Variants in UNKL observed in about 807,000 individuals in gnomAD.
UNKL encodes the protein unk like zinc finger.
Under a neutral mutation model 78.0 loss-of-function variants are expected in UNKL, and 60 were observed. The observed-to-expected ratio is 0.77, with a 90% CI of 0.63 to 0.95. The LOEUF (loss-of-function observed/expected upper bound fraction) is 0.95, where lower values mean the gene tolerates loss of function less well. Among genes scored for constraint, UNKL ranks in the 40% least tolerant of loss-of-function variants. UNKL has a pLI of 0.00. For synonymous variants in UNKL, 608 were observed against 474.8 expected (o/e 1.28, Z -3.65); for missense variants, 1,159 against 1,045.7 (o/e 1.11, Z -1.49).
At chr16:1,401,438 C>T (rs923238531) in intron 4 of UNKL, 130 bp downstream of exon 4, 39 of 1,234,992 alleles carry the variant, frequency 3.2e-5, no homozygotes, top group South Asian at 9.1e-5. Context: ...TTGGACTCCA[C>T]GAGCCTCGGT....
chr16:1,407,485 G>C (rs2037820398), intron 2 of UNKL: 2 of 152,230 alleles, frequency 1.3e-5, no homozygotes, highest in Non-Finnish European at 2.9e-5. Context: ...GAGGTGGGTG[G>C]ATTACTTGAG....
chr16:1,377,490 A>AC lies in UNKL; in HGVS notation c.1265-5880dup, dbSNP rs201006929. ...CCCTGAGTCCTCCCTCAGAAAGGAGACCCCCCCTCTGCCTCCACTCCCCCT... is the reference window on the plus strand; with the variant it reads ...CCCTGAGTCCTCCCTCAGAAAGGAGACCCCCCCCTCTGCCTCCACTCCCCCT... On this transcript the variant is annotated intron_variant, in intron 10 of 14. Transcript: ENST00000389221. Among the ~76,000 whole-genome samples the AC allele has an allele frequency of 2.4e-3, 356 of 148,426 alleles. 2 individuals are homozygous for AC. Among genetic ancestry groups the AC allele is most frequent in the African/African-American group, 7.6e-3 (304 of 40,080 alleles).
chr16:1,414,363 C>T (rs1021448926), intron 1 of UNKL, among the ~76,000 whole-genome samples: 3 of 152,076 alleles, frequency 2.0e-5, no homozygotes, highest in Non-Finnish European at 4.4e-5. Context: ...CCAGGCGCAA[C>T]CCCCAACCCC....
At chr16:1,379,995 G>A (rs1323711041) in intron 10 of UNKL, among the ~76,000 whole-genome samples, 1 of 152,190 alleles carries the variant, frequency 6.6e-6, no homozygotes, top group African/African-American at 2.4e-5. Context: ...AGGGGCGCTC[G>A]CGGGGCGGGG....
Position 1,366,356 on chromosome 16 carries a change from G to A in UNKL, c.2086C>T (p.Arg696Trp), listed in dbSNP as rs370546472. The change falls in exon 15 of 15, where the codon CGG becomes TGG. Residue 696 changes from arginine to tryptophan, a missense_variant. Arg to Trp is a moderately radical substitution (Grantham distance 101, BLOSUM62 -3). Transcript: ENST00000389221. ...AGGACAGCACCGTGGGCCCGCTCCC[G>A]GCAGGCCACACACTGCTTGGCGCGG... ...QLRAKQCVAC[R>W]ERAHGAVLRP... 28 of 1,604,448 alleles carry A rather than the reference G, an allele frequency of 1.7e-5. No homozygotes were observed. Among genetic ancestry groups the A allele is most frequent in the Middle Eastern group, 3.8e-4 (2 of 5,316 alleles).
rs1190732794 is a variant in UNKL, at chr16:1,366,203, C to A, written c.*37G>T. On this transcript the variant is annotated 3_prime_UTR_variant, in exon 15 of 15. Coordinates refer to ENST00000389221, the MANE Select transcript of UNKL (RefSeq NM_001372107.1). ...CCGTGGTCAGGAGGAGCGCTGGAGC[C>A]AGGGTGCCCAGCAGGAGGTGGCTGT... The A allele has an allele frequency of 6.8e-6, 10 of 1,472,828 alleles. No homozygotes were observed. The highest frequency in any genetic ancestry group is 2.8e-5 in the African/African-American group (2 of 71,406). The allele number at this position is 1,472,828 out of a possible 1,614,324, so 91.2% of individuals were successfully genotyped here.
chr16:1,385,924 T>C (rs573939449), intron 9 of UNKL, among the ~76,000 whole-genome samples: 6 of 152,334 alleles, frequency 3.9e-5, no homozygotes, highest in African/African-American at 1.4e-4. Context: ...CCAGGGAAAG[T>C]AAAACACAGG....
intron 12 of UNKL, 127 bp downstream of exon 12, chr16:1,370,003 T>C: frequency 6.4e-7 from 1 of 1,551,088 alleles, no homozygotes. Flanking sequence ...GAGCAGCAGG[T>C]CATGTGGTTT....
In UNKL at chr16:1,403,746, G is replaced by A. The variant is rs1029579478; in HGVS notation, c.288-402C>T. Among the ~76,000 whole-genome samples, 4 of 152,198 alleles carry A rather than the reference G, an allele frequency of 2.6e-5. No homozygotes were observed. Among genetic ancestry groups the A allele is most frequent in the South Asian group, 4.1e-4 (2 of 4,830 alleles). Reference sequence around the variant, plus strand: ...GGCTGCGTCACCTTCCTTACCCGTCGCAGTCACAAAGTGGGGGCCCCTCCT... The same window carrying A: ...GGCTGCGTCACCTTCCTTACCCGTCACAGTCACAAAGTGGGGGCCCCTCCT... On this transcript the variant is annotated intron_variant, in intron 2 of 14. Transcript: ENST00000389221. This position sits in a 1 kb window ranked among gnomAD's most constrained non-coding sequence, Gnocchi z 4.8.
intron 10 of UNKL, among the ~76,000 whole-genome samples, chr16:1,384,850 C>T (rs142968079): frequency 1.4e-4 from 22 of 152,324 alleles, no homozygotes; most frequent in African/African-American, 2.2e-4. Context: ...CCTCCTGCCT[C>T]GGCCTCCCAC....
chr16:1,381,676 C>T (rs955129717), intron 10 of UNKL, among the ~76,000 whole-genome samples: 8 of 152,336 alleles, frequency 5.3e-5, no homozygotes, highest in Middle Eastern at 3.4e-3. Flanking sequence ...GACTTCATCC[C>T]TGACCTCTGA....
intron 3 of UNKL, among the ~76,000 whole-genome samples, chr16:1,402,163 C>T (rs1312826816): frequency 2.0e-5 from 3 of 152,130 alleles, no homozygotes; most frequent in Non-Finnish European, 2.9e-5. Flanking sequence ...CAGTGCCTCA[C>T]GGCCTCAACC....
chr16:1,379,754 C>T (rs1312986090), intron 10 of UNKL: 1 of 832,040 alleles, frequency 1.2e-6, no homozygotes, highest in East Asian at 2.5e-4. Context: ...CCCCGTCGCA[C>T]TGGCCACGCC....
At chr16:1,370,999 C>G (rs1428796092) in intron 11 of UNKL, among the ~76,000 whole-genome samples, 1 of 147,970 alleles carries the variant, frequency 6.8e-6, no homozygotes, top group Non-Finnish European at 1.5e-5. Flanking sequence ...AGGAGAATGG[C>G]GTGAACCCGG....
At position 1,375,782 on chromosome 16, in the gene UNKL, C is replaced by G. The variant is rs111277207; in HGVS notation, c.1265-4171G>C. Reference sequence around the variant, plus strand: ...AGCCAAAGGCAGGCCTTGGGCCAGCCGCACCCAGAGCCATTCACTCCTCTC... The same window carrying G: ...AGCCAAAGGCAGGCCTTGGGCCAGCGGCACCCAGAGCCATTCACTCCTCTC... On this transcript the variant is annotated intron_variant, in intron 10 of 14. Transcript: ENST00000389221. 1.2e-3 allele frequency among the ~76,000 whole-genome samples: 185 copies of G among 152,264 alleles called. 1 individual carries two copies. Among genetic ancestry groups the G allele is most frequent in the African/African-American group, 3.7e-3 (154 of 41,560 alleles).
In UNKL at chr16:1,367,282, C is replaced by T. The variant is rs1438788838; in HGVS notation, c.1856G>A (p.Arg619Gln). The T allele has an allele frequency of 7.7e-6, 12 of 1,565,176 alleles. No homozygotes were observed. The highest frequency in any genetic ancestry group is 1.7e-4 in the Middle Eastern group (1 of 5,990). ...KERARVADSDRQLALQKKEEV... is the reference protein window; with the variant it reads ...KERARVADSDQQLALQKKEEV... ...CTCCTTCTTCTGCAGCGCCAGCTGCCGGTCGCTATCGGCCACACGGGCACG... is the reference window on the plus strand; with the variant it reads ...CTCCTTCTTCTGCAGCGCCAGCTGCTGGTCGCTATCGGCCACACGGGCACG... The change falls in exon 14 of 15, where the codon CGG (arginine) becomes CAG (glutamine). Residue 619 changes from arginine to glutamine, a missense_variant. Coordinates refer to ENST00000389221, the MANE Select transcript of UNKL (RefSeq NM_001372107.1).
chr16:1,368,686 A>G (rs2035523894), intron 12 of UNKL, among the ~76,000 whole-genome samples: 1 of 145,128 alleles, frequency 6.9e-6, no homozygotes, highest in Admixed American at 7.0e-5. Flanking sequence ...AGATCACTTG[A>G]GGTCAGGAGT....
intron 8 of UNKL, among the ~76,000 whole-genome samples, chr16:1,391,321 G>A (rs1398853304): frequency 6.6e-6 from 1 of 151,812 alleles, no homozygotes; most frequent in African/African-American, 2.4e-5. Context: ...TGCTATTTTT[G>A]GTTTTGTTTT....
chr16:1,385,379 G>A lies in UNKL; in HGVS notation c.1093C>T (p.Leu365=), dbSNP rs2036771722. ...GGGTGGACCGCTGCAAACACGGCCA[G>A]GTGGTTCTGTTCAAAGACATAAACA... ...GSEQDSKQNH[L]AVFAAVHPPA... is the part of the protein sequence containing the mutation. Residue 365 remains leucine, a synonymous_variant, in exon 10 of 15, where the codon CTG becomes TTG. Transcript: ENST00000389221. 1.4e-6 allele frequency: 2 copies of A among 1,393,622 alleles called. No individual in the cohort carries two copies. 86.3% of individuals were successfully genotyped at this position (1,393,622 alleles called of 1,614,324 possible). A position where few individuals can be genotyped will look rare whatever the true frequency, so the allele number is the denominator to read the frequency against.
Sources: gnomAD v4.1 joint callset for allele counts (sites outside exome capture counted in the v4.1 genomes callset) on GRCh38, gnomAD v4.1.1 for gene constraint, Gnocchi (gnomAD v3.1) non-coding constraint, MANE v1.5 for transcripts, NCBI Gene and HGNC (gene_info 2026-07-23, HGNC 2026-07-21) for gene names.